The following TSPEAR variants were observed in gnomAD, a reference collection of about 807,000 sequenced individuals.
The protein encoded by TSPEAR is thrombospondin-type laminin G domain and EAR repeat-containing protein.
Under a neutral mutation model 71.6 loss-of-function variants are expected in TSPEAR, and 69 were observed. The observed-to-expected ratio is 0.96, with a 90% CI of 0.79 to 1.18. TSPEAR has a LOEUF of 1.18. Ranked by LOEUF, TSPEAR falls within the 50% of genes most tolerant of loss-of-function variation. The pLI, the probability that TSPEAR is intolerant of heterozygous loss-of-function variation, is 0.00. For synonymous variants in TSPEAR, 402 were observed against 387.2 expected, an observed-to-expected ratio of 1.04 and a Z score of -0.45; for missense variants, 971 against 894.9, an observed-to-expected ratio of 1.09 and a Z score of -1.09.
chr21:44,622,730 T>C (rs587706797), intron 1 of TSPEAR, among the ~76,000 whole-genome samples: 1 of 152,344 alleles, frequency 6.6e-6, no homozygotes, highest in African/African-American at 2.4e-5. Context: ...TATGACCTCA[T>C]TTTAACTAAT....
At chr21:44,620,522 C>T (rs143929184) in intron 1 of TSPEAR, among the ~76,000 whole-genome samples, 7 of 152,278 alleles carry the variant, frequency 4.6e-5, no homozygotes, top group African/African-American at 1.4e-4. Context: ...AGTGATGTTC[C>T]CATTTTCATT....
At chr21:44,586,464 A>G (rs983255020) in intron 1 of TSPEAR, among the ~76,000 whole-genome samples, 2 of 152,118 alleles carry the variant, frequency 1.3e-5, no homozygotes, top group Non-Finnish European at 2.9e-5. Context: ...TTTAAAAAAA[A>G]TTTACCAAGA....
At chr21:44,594,945 C>T (rs1297686383) in intron 1 of TSPEAR, among the ~76,000 whole-genome samples, 3 of 151,902 alleles carry the variant, frequency 2.0e-5, no homozygotes, top group Admixed American at 6.6e-5. Context: ...CCTCAGCCTC[C>T]CGAGTAGCTG....
chr21:44,508,553 G>C, intron 10 of TSPEAR: 1 of 1,120,198 alleles, frequency 8.9e-7, no homozygotes, highest in Non-Finnish European at 1.1e-6. Context: ...TTCCACCCCA[G>C]AGGACGCCCC....
At chr21:44,690,426 G>T in intron 1 of TSPEAR, 1 of 381,698 alleles carries the variant, frequency 2.6e-6, no homozygotes, top group Non-Finnish European at 3.6e-6. Context: ...GATAACAAGT[G>T]GTTCCCATGG....
intron 1 of TSPEAR, chr21:44,677,793 G>A (rs1050161455): frequency 2.3e-6 from 3 of 1,295,838 alleles, no homozygotes; most frequent in Non-Finnish European, 2.2e-6. Context: ...CTTTGGCAAT[G>A]GAACATTATA....
intron 11 of TSPEAR, among the ~76,000 whole-genome samples, chr21:44,503,036 G>A (rs2052075338): frequency 6.9e-6 from 1 of 145,612 alleles, no homozygotes; most frequent in African/African-American, 2.5e-5. Context: ...AGCCCTCGGG[G>A]GGAAGCAAGG....
intron 7 of TSPEAR, among the ~76,000 whole-genome samples, chr21:44,527,012 G>GT (rs2052869659): frequency 6.6e-6 from 1 of 152,222 alleles, no homozygotes; most frequent in Non-Finnish European, 1.5e-5. Context: ...CTCTCAACAG[G>GT]TTTTAAATGT....
At chr21:44,542,998 C>T (rs1296124119) in intron 2 of TSPEAR, among the ~76,000 whole-genome samples, 2 of 151,886 alleles carry the variant, frequency 1.3e-5, no homozygotes, top group Non-Finnish European at 2.9e-5. Flanking sequence ...GATATATTTA[C>T]TGTCTGAAAG....
intron 1 of TSPEAR, chr21:44,654,571 G>C (rs1555942189): frequency 3.1e-6 from 5 of 1,605,128 alleles, no homozygotes; most frequent in Non-Finnish European, 4.3e-6. Context: ...CGGGGAGCCA[G>C]GGCAGGCCAT....
chr21:44,626,395 T>G (rs2146200551), intron 1 of TSPEAR, among the ~76,000 whole-genome samples: 1 of 152,290 alleles, frequency 6.6e-6, no homozygotes, highest in African/African-American at 2.4e-5. Flanking sequence ...AAAAGATGCT[T>G]GCAGTGCAGG....
intron 1 of TSPEAR, among the ~76,000 whole-genome samples, chr21:44,632,444 T>C (rs1227314542): frequency 6.6e-6 from 1 of 152,162 alleles, no homozygotes; most frequent in African/African-American, 2.4e-5. Context: ...GATAAATAAA[T>C]GCTGAGAGAG....
At chr21:44,613,032 C>T in intron 1 of TSPEAR, 2 of 1,142,166 alleles carry the variant, frequency 1.8e-6, no homozygotes, top group South Asian at 1.5e-5. Context: ...CTCCTTACTC[C>T]CAGGAGCCTC....
At position 44,509,270 on chromosome 21, in the gene TSPEAR, G is replaced by C; in HGVS notation, c.1683C>G (p.Ile561Met). 2 of 1,614,080 alleles carry C rather than the reference G, an allele frequency of 1.2e-6. No homozygotes were observed. The highest frequency in any genetic ancestry group is 1.7e-6 in the Non-Finnish European group (2 of 1,180,026). The part of the protein sequence containing the change: ...EMQVQNDSYV[I>M]NSVIYELNVT... ...CGTTCAGCTCGTAGATGACGGAGTT[G>C]ATGACATAGGAATCATTCTGGACTT... Residue 561 changes from isoleucine to methionine, a missense_variant, in exon 10 of 12, where the codon ATC becomes ATG. Coordinates refer to ENST00000323084, the MANE Select transcript of TSPEAR (RefSeq NM_144991.3).
At chr21:44,571,506 C>T (rs465883) in intron 1 of TSPEAR, among the ~76,000 whole-genome samples, 99,707 of 152,108 alleles carry the variant, frequency 0.66, 34,401 homozygotes, top group Non-Finnish European at 0.78. Context: ...AAAGCAACAC[C>T]CCAGTAGTGT....
In TSPEAR at chr21:44,676,651, A is replaced by T. The variant is rs1986326952; in HGVS notation, c.82+34782T>A. The T allele has an allele frequency of 3.9e-6, 3 of 768,662 alleles. No individual in the cohort carries two copies. The South Asian group carries it at 4.1e-5, about 10-fold the overall frequency. 47.6% of individuals were successfully genotyped at this position (768,662 alleles called of 1,614,324 possible). A position where few individuals can be genotyped will look rare whatever the true frequency, so the allele number is the denominator to read the frequency against. On this transcript the variant is annotated intron_variant, in intron 1 of 11. Coordinates refer to ENST00000323084, the MANE Select transcript of TSPEAR (RefSeq NM_144991.3). ...CAATTCCTGTTCTTGAACCCTAAGGACATCTCACAAGTGATCAGTGTGGGC... is the reference window on the plus strand; with the variant it reads ...CAATTCCTGTTCTTGAACCCTAAGGTCATCTCACAAGTGATCAGTGTGGGC...
intron 1 of TSPEAR, among the ~76,000 whole-genome samples, chr21:44,635,142 C>T (rs1198689049): frequency 1.3e-5 from 2 of 151,904 alleles, no homozygotes; most frequent in Non-Finnish European, 2.9e-5. Context: ...GTCAGGAGTT[C>T]AAGACCAGCC....
intron 1 of TSPEAR, among the ~76,000 whole-genome samples, chr21:44,660,651 C>G (rs1016566735): frequency 1.3e-5 from 2 of 152,222 alleles, no homozygotes; most frequent in South Asian, 2.1e-4. Flanking sequence ...AGCAGAGAGA[C>G]ACTTGAATCC....
intron 1 of TSPEAR, chr21:44,697,294 C>A: frequency 6.2e-7 from 1 of 1,613,906 alleles, no homozygotes; most frequent in Non-Finnish European, 8.5e-7. Context: ...AGGTGGACGA[C>A]TGCCCAGAGA....
Sources: gnomAD v4.1 joint callset for allele counts (sites outside exome capture counted in the v4.1 genomes callset) on GRCh38, gnomAD v4.1.1 for gene constraint, MANE v1.5 for transcripts, NCBI Gene and HGNC (gene_info 2026-07-23, HGNC 2026-07-21) for gene names.